The following AKAP19 variants were observed in gnomAD, a reference collection of about 807,000 sequenced individuals.
The protein encoded by AKAP19 is A-kinase anchoring protein 19.
chr2:190,038,894 T>C, the AKAP19 span, among the ~76,000 whole-genome samples: 4 of 42,588 alleles, frequency 9.4e-5, no homozygotes, highest in Admixed American at 5.9e-4. Flanking sequence ...CTTTCTTTCT[T>C]TCTTTCTTTC....
At chr2:189,899,120 C>T in the AKAP19 span, among the ~76,000 whole-genome samples, 1 of 152,130 alleles carries the variant, frequency 6.6e-6, no homozygotes, top group Non-Finnish European at 1.5e-5. Context: ...TACACCATGT[C>T]AGTTCTAGAG....
At chr2:189,908,501 ATACT>A in the AKAP19 span, among the ~76,000 whole-genome samples, 1 of 152,042 alleles carries the variant, frequency 6.6e-6, no homozygotes, top group African/African-American at 2.4e-5. Flanking sequence ...CCAGCCCTAT[ATACT>A]TACTTCTTAA....
the AKAP19 span, among the ~76,000 whole-genome samples, chr2:190,184,692 T>G: frequency 1.3e-5 from 2 of 152,086 alleles, no homozygotes; most frequent in African/African-American, 2.4e-5. Context: ...TACTTGGGTT[T>G]AAGTAAGGAA....
At chr2:190,079,856 GGTGT>G in the AKAP19 span, 315 of 139,620 alleles carry the variant, frequency 2.3e-3, 1 homozygote, top group African/African-American at 6.7e-3. Context: ...AAAAATGAGG[GGTGT>G]GTGTGTGTGT....
chr2:190,011,052 T>C, the AKAP19 span, among the ~76,000 whole-genome samples: 191 of 7,284 alleles, frequency 0.026, no homozygotes, highest in Middle Eastern at 0.1. Flanking sequence ...CTCTCTCTCT[T>C]TTTTTTTTTT....
At chr2:189,992,113 G>A in the AKAP19 span, among the ~76,000 whole-genome samples, 7 of 148,892 alleles carry the variant, frequency 4.7e-5, no homozygotes, top group Admixed American at 2.0e-4. Context: ...GCAGTGGTGC[G>A]ATCTCTGCTC....
chr2:190,163,455 CA>C, the AKAP19 span, among the ~76,000 whole-genome samples: 11,957 of 136,592 alleles, frequency 0.088, 494 homozygotes, highest in East Asian at 0.11. Flanking sequence ...AAACAAAAAA[CA>C]AAAAAAAAAA....
chr2:190,052,825 G>C, the AKAP19 span, among the ~76,000 whole-genome samples: 2 of 152,128 alleles, frequency 1.3e-5, no homozygotes, highest in Non-Finnish European at 2.9e-5. Flanking sequence ...GTCAAATATA[G>C]CTGTTAGCCC....
chr2:189,929,868 G>T, the AKAP19 span, among the ~76,000 whole-genome samples: 1 of 152,204 alleles, frequency 6.6e-6, no homozygotes, highest in South Asian at 2.1e-4. Flanking sequence ...AGTAACATCA[G>T]AAAAGAATTT....
At chr2:190,036,786 A>G in the AKAP19 span, among the ~76,000 whole-genome samples, 2 of 152,324 alleles carry the variant, frequency 1.3e-5, no homozygotes, top group South Asian at 2.1e-4. Flanking sequence ...CTAGGTCTCT[A>G]CTTAGTGTAT....
the AKAP19 span, among the ~76,000 whole-genome samples, chr2:189,887,294 C>A: frequency 6.6e-6 from 1 of 152,194 alleles, no homozygotes; most frequent in African/African-American, 2.4e-5. Context: ...CATGTCCCTG[C>A]AAAGACCATT....
At chr2:189,880,211 A>G in the AKAP19 span, among the ~76,000 whole-genome samples, 46 of 152,060 alleles carry the variant, frequency 3.0e-4, no homozygotes, top group African/African-American at 1.1e-3. Flanking sequence ...TTTTATTTTC[A>G]TCTTATGTTC....
At chr2:189,929,940 G>C in the AKAP19 span, among the ~76,000 whole-genome samples, 4 of 152,114 alleles carry the variant, frequency 2.6e-5, no homozygotes, top group Non-Finnish European at 2.9e-5. Context: ...ACTATCTTTT[G>C]CTTATCTTCA....
At chr2:189,890,866 A>C in the AKAP19 span, among the ~76,000 whole-genome samples, 1 of 152,152 alleles carries the variant, frequency 6.6e-6, no homozygotes, top group Admixed American at 6.5e-5. Context: ...TCTTGACTCT[A>C]TCCAATTTGC....
At chr2:190,164,965 A>G in the AKAP19 span, among the ~76,000 whole-genome samples, 2 of 152,318 alleles carry the variant, frequency 1.3e-5, no homozygotes, top group Admixed American at 1.3e-4. Context: ...GATCATTTCT[A>G]AGTCACATCA....
At chr2:189,951,577 G>C in the AKAP19 span, among the ~76,000 whole-genome samples, 4 of 152,142 alleles carry the variant, frequency 2.6e-5, no homozygotes, top group African/African-American at 9.7e-5. Context: ...TAAGTACTTT[G>C]AAAGCCAAAT....
chr2:189,946,428 A>C, the AKAP19 span, among the ~76,000 whole-genome samples: 1 of 152,226 alleles, frequency 6.6e-6, no homozygotes, highest in African/African-American at 2.4e-5. Context: ...TGAGCAACAT[A>C]GGCCCTGCCT....
the AKAP19 span, among the ~76,000 whole-genome samples, chr2:190,042,381 A>G: frequency 2.6e-5 from 4 of 151,148 alleles, no homozygotes; most frequent in Non-Finnish European, 5.9e-5. Flanking sequence ...CATCATTTCC[A>G]GTTGTGTTTA....
the AKAP19 span, among the ~76,000 whole-genome samples, chr2:190,038,901 T>TTTCTTTCTTTCTTTC: frequency 6.3e-4 from 29 of 46,018 alleles, no homozygotes; most frequent in South Asian, 4.0e-3. Flanking sequence ...TCTTTCTTTC[T>TTTCTTTCTTTCTTTC]TTCTTCTTCT....
Sources: gnomAD v4.1 joint callset for allele counts (sites outside exome capture counted in the v4.1 genomes callset) on GRCh38, gnomAD v4.1.1 for gene constraint, MANE v1.5 for transcripts, NCBI Gene and HGNC (gene_info 2026-07-23, HGNC 2026-07-21) for gene names.